POLE2: variants seen among roughly 807,000 people sequenced by gnomAD.
The protein encoded by POLE2 is DNA polymerase epsilon 2, accessory subunit, also known as DNA polymerase epsilon subunit 2.
A neutral mutation model predicts 79.4 loss-of-function variants in POLE2; 56 were observed. The ratio of observed to expected loss-of-function variants is 0.71; its 90% CI spans 0.57 to 0.88. The LOEUF is 0.88. Among genes scored for constraint, POLE2 ranks in the 40% least tolerant of loss-of-function variants. The pLI is 0.00. For synonymous variants in POLE2, 212 were observed against 214.0 expected (o/e 0.99, Z 0.08); for missense variants, 598 against 638.9 (o/e 0.94, Z 0.69).
At chr14:49,658,078 T>TC (rs1453902736) in intron 10 of POLE2, among the ~76,000 whole-genome samples, 2 of 147,746 alleles carry the variant, frequency 1.4e-5, no homozygotes, top group East Asian at 2.0e-4. Flanking sequence ...CTGGTCATCT[T>TC]TTTTTTTTTT....
At chr14:49,678,041 C>T (rs193093750) in intron 3 of POLE2, 5 of 153,284 alleles carry the variant, frequency 3.3e-5, no homozygotes, top group Admixed American at 2.7e-4. Context: ...ATTCTGTTGT[C>T]CAGGCTGGAG....
chr14:49,670,146 T>C (rs1038879803), intron 5 of POLE2, among the ~76,000 whole-genome samples: 1 of 151,576 alleles, frequency 6.6e-6, no homozygotes, highest in African/African-American at 2.4e-5. Context: ...TGAAACCACG[T>C]CTCTACCAAA....
chr14:49,656,366 A>T (rs12437109), intron 10 of POLE2, among the ~76,000 whole-genome samples: 1 of 151,446 alleles, frequency 6.6e-6, no homozygotes, highest in African/African-American at 2.4e-5. Flanking sequence ...AAAAAAAAAA[A>T]AAAAAACTGA....
rs185291290 is a variant in POLE2 at position 49,665,211 on chromosome 14, C to T, written c.577-48G>A. ...ATCCACATTTATGTAACAATGAAAA[C>T]CGTTGACAAAAAAATTAAACTACAA... is the stretch of plus-strand genomic sequence containing the variant. On this transcript the variant is annotated intron_variant, in intron 7 of 18. Coordinates refer to ENST00000216367, the MANE Select transcript of POLE2 (RefSeq NM_002692.4). 8.7e-4 allele frequency: 694 copies of T among 801,516 alleles called. 1 individual carries two copies. The highest frequency in any genetic ancestry group is 4.2e-3 in the Middle Eastern group (18 of 4,280). The allele number at this position is 801,516 out of a possible 1,614,324, so 49.7% of individuals were successfully genotyped here.
chr14:49,650,572 A>T, intron 16 of POLE2, 131 bp from the exon 17 acceptor site: 1 of 502,240 alleles, frequency 2.0e-6, no homozygotes, highest in Non-Finnish European at 3.3e-6. Context: ...GAAAGCTTTG[A>T]CTCACAGAGC....
At chr14:49,661,664 G>C (rs913979415) in intron 10 of POLE2, among the ~76,000 whole-genome samples, 4 of 152,116 alleles carry the variant, frequency 2.6e-5, no homozygotes, top group African/African-American at 7.2e-5. Flanking sequence ...TTGTAAAACA[G>C]TATTTTACAC....
intron 7 of POLE2, 27 bp from the exon 8 acceptor site, chr14:49,665,190 A>G: frequency 3.1e-6 from 3 of 968,556 alleles, no homozygotes; most frequent in South Asian, 2.7e-5. Flanking sequence ...AAATAAATCC[A>G]CATTTATGTA....
chr14:49,643,701 G>C, intron 18 of POLE2, 31 bp from the exon 19 acceptor site: 3 of 1,184,164 alleles, frequency 2.5e-6, no homozygotes, highest in Non-Finnish European at 3.7e-6. Flanking sequence ...TAAATATTTG[G>C]AAACCTAAGT....
chr14:49,675,695 G>C (rs764206271), intron 3 of POLE2, among the ~76,000 whole-genome samples: 2 of 148,272 alleles, frequency 1.3e-5, no homozygotes, highest in Non-Finnish European at 3.0e-5. Flanking sequence ...CAAACTGCTG[G>C]GATTACAGGC....
intron 3 of POLE2, chr14:49,677,551 CA>C: frequency 2.1e-6 from 1 of 481,464 alleles, no homozygotes; most frequent in Admixed American, 3.5e-5. Flanking sequence ...CTAGGCGACC[CA>C]GCAGTGCACC....
chr14:49,680,901 G>A (rs559840046), intron 2 of POLE2, among the ~76,000 whole-genome samples: 12 of 152,194 alleles, frequency 7.9e-5, no homozygotes, highest in South Asian at 6.2e-4. Flanking sequence ...AAAATGCTGC[G>A]ATTACAGGCG....
Position 49,654,997 on chromosome 14 carries a change from G to A in POLE2, c.1018+8C>T, listed in dbSNP as rs45458994. 1.1e-3 allele frequency: 1,697 copies of A among 1,519,262 alleles called. 9 individuals carry two copies. The Middle Eastern group carries it at 0.013, about 12-fold the overall frequency. The allele number at this position is 1,519,262 out of a possible 1,614,324, so 94.1% of individuals were successfully genotyped here. On this transcript the variant is annotated splice_region_variant and intron_variant, in intron 12 of 18. Coordinates refer to ENST00000216367, the MANE Select transcript of POLE2 (RefSeq NM_002692.4). ...AGAAACACTTCTTATTAAATAGATC[G>A]TTAATACCTTTCAAAGCTTGAACTT... is the stretch of plus-strand genomic sequence containing the variant.
At chr14:49,666,651 G>C (rs540218524) in intron 6 of POLE2, among the ~76,000 whole-genome samples, 18 of 152,196 alleles carry the variant, frequency 1.2e-4, no homozygotes, top group Admixed American at 3.9e-4. Flanking sequence ...ATCGACTCAG[G>C]CTCTTACCAA....
Position 49,643,641 on chromosome 14 carries a change from C to T in POLE2, c.*11G>A, listed in dbSNP as rs1314827857. 2.9e-6 allele frequency: 4 copies of T among 1,376,076 alleles called. No individual in the cohort carries two copies. The highest frequency in any genetic ancestry group is 3.0e-6 in the Non-Finnish European group (3 of 987,864). The allele number at this position is 1,376,076 out of a possible 1,614,324, so 85.2% of individuals were successfully genotyped here. On this transcript the variant is annotated 3_prime_UTR_variant, in exon 19 of 19. Transcript: ENST00000216367. ...AACTGATGAATTTTCTTCAGATGAT[C>T]TTTAAGAATCTCAAAAGCCTTGAAG...
At chr14:49,658,829 A>G (rs1376954314) in intron 10 of POLE2, among the ~76,000 whole-genome samples, 1 of 152,202 alleles carries the variant, frequency 6.6e-6, no homozygotes, top group Admixed American at 6.5e-5. Context: ...ACAATAATAA[A>G]TGACTATGTT....
At chr14:49,677,609 A>G (rs1169719971) in intron 3 of POLE2, 8 of 555,852 alleles carry the variant, frequency 1.4e-5, no homozygotes, top group Non-Finnish European at 2.5e-5. Flanking sequence ...TCACTGTGTC[A>G]TTGATGAACA....
chr14:49,664,757 A>G, intron 8 of POLE2, 83 bp from the exon 9 acceptor site: 1 of 856,510 alleles, frequency 1.2e-6, no homozygotes. Flanking sequence ...AAGGCTTCTA[A>G]ATAATAAATT....
chr14:49,647,557 G>C lies in POLE2; in HGVS notation c.1498-197C>G, dbSNP rs138951310. On this transcript the variant is annotated intron_variant, in intron 17 of 18. Coordinates refer to ENST00000216367, the MANE Select transcript of POLE2 (RefSeq NM_002692.4). ...CAACCTCCATTTCCGGGATTCAAGC[G>C]ATCTTCCCATCTCAGCCTCCCAGGT... Among the ~76,000 whole-genome samples the C allele has an allele frequency of 9.5e-3, 1,444 of 151,868 alleles. 20 individuals carry two copies. Among genetic ancestry groups the C allele is most frequent in the African/African-American group, 0.033 (1,375 of 41,402 alleles).
intron 1 of POLE2, among the ~76,000 whole-genome samples, chr14:49,684,059 C>T (rs947701376): frequency 2.0e-5 from 3 of 152,182 alleles, no homozygotes; most frequent in Non-Finnish European, 4.4e-5. Context: ...CCATCTGTTT[C>T]AATGTCAAGC....
Sources: allele counts gnomAD v4.1 joint callset (sites outside exome capture counted in the v4.1 genomes callset), GRCh38; gene constraint gnomAD v4.1.1; transcripts MANE v1.5; gene names NCBI Gene and HGNC (gene_info 2026-07-23, HGNC 2026-07-21).